The following CSMD1 variants were observed in gnomAD, a reference collection of about 807,000 sequenced individuals.
CSMD1 encodes the protein CUB and sushi domain-containing protein 1.
Under a neutral mutation model 417.5 loss-of-function variants are expected in CSMD1, and 213 were observed. The ratio of observed to expected loss-of-function variants is 0.51; its 90% CI spans 0.46 to 0.57. The LOEUF (loss-of-function observed/expected upper bound fraction) is 0.57, where lower values mean the gene tolerates loss of function less well. Ranked by LOEUF, CSMD1 falls within the 20% of genes least tolerant of loss-of-function variation. CSMD1 has a pLI of 0.00. For synonymous variants in CSMD1, 2,862 were observed against 1,736.8 expected, an observed-to-expected ratio of 1.65 and a Z score of -16.11; for missense variants, 6,923 against 4,529.7, an observed-to-expected ratio of 1.53 and a Z score of -15.17.
chr8:3,476,682 C>T (rs546422998), intron 11 of CSMD1, among the ~76,000 whole-genome samples: 29 of 151,952 alleles, frequency 1.9e-4, no homozygotes, highest in African/African-American at 7.0e-4. Context: ...TTTTTTGAGG[C>T]CAAGGCGGGC....
chr8:3,313,834 G>A (rs541156183), intron 23 of CSMD1, among the ~76,000 whole-genome samples: 20 of 152,186 alleles, frequency 1.3e-4, no homozygotes, highest in South Asian at 6.2e-4. Context: ...TGTTTATAGC[G>A]GCACTATTCA....
chr8:3,346,491 T>C (rs909723907), intron 22 of CSMD1, among the ~76,000 whole-genome samples: 1 of 152,246 alleles, frequency 6.6e-6, no homozygotes, highest in Non-Finnish European at 1.5e-5. Flanking sequence ...CACTTCTTCA[T>C]GACAGTCCCT....
At chr8:3,740,892 C>A (rs950265463) in intron 6 of CSMD1, among the ~76,000 whole-genome samples, 1 of 151,916 alleles carries the variant, frequency 6.6e-6, no homozygotes, top group East Asian at 1.9e-4. Flanking sequence ...AGCTTCTGTG[C>A]CCAGGGGTGG....
chr8:3,901,431 T>C lies in CSMD1; in HGVS notation c.818+96472A>G, dbSNP rs1459789240. Among the ~76,000 whole-genome samples the C allele has an allele frequency of 2.6e-5, 4 of 152,244 alleles. No homozygotes were observed. In the East Asian group the frequency reaches 7.7e-4, roughly 29 times the overall value. ...CCCTGAAATCCGTGCTGATGCATTT[T>C]TTGGTCTTACTCTAATGACTTCAAA... is the stretch of plus-strand genomic sequence containing the variant. On this transcript the variant is annotated intron_variant, in intron 5 of 69. Transcript: ENST00000635120.
chr8:4,314,468 G>T (rs987105838), intron 3 of CSMD1, among the ~76,000 whole-genome samples: 4 of 152,116 alleles, frequency 2.6e-5, no homozygotes, highest in African/African-American at 9.7e-5. Flanking sequence ...AATTTCAATT[G>T]CATCCGTTCC....
intron 49 of CSMD1, among the ~76,000 whole-genome samples, chr8:3,056,401 G>A (rs1449073946): frequency 2.6e-5 from 4 of 151,968 alleles, no homozygotes; most frequent in African/African-American, 7.3e-5. Context: ...ACAAGGTCTC[G>A]CTGTCACTCA....
intron 25 of CSMD1, among the ~76,000 whole-genome samples, chr8:3,286,924 TTA>T (rs1303343450): frequency 1.3e-4 from 19 of 151,848 alleles, no homozygotes; most frequent in African/African-American, 4.6e-4. Context: ...ATGGTATTGC[TTA>T]GGTTTTCTTC....
chr8:4,532,460 C>A (rs906359386), intron 2 of CSMD1, among the ~76,000 whole-genome samples: 3 of 147,240 alleles, frequency 2.0e-5, no homozygotes, highest in Admixed American at 6.8e-5. Context: ...GAAGAGAAAT[C>A]CTGCACCCCC....
intron 7 of CSMD1, among the ~76,000 whole-genome samples, chr8:3,677,740 C>T (rs1799450969): frequency 6.6e-6 from 1 of 152,106 alleles, no homozygotes; most frequent in African/African-American, 2.4e-5. Flanking sequence ...GAAAAAAGCC[C>T]TAAACTTTGT....
intron 3 of CSMD1, among the ~76,000 whole-genome samples, chr8:4,153,623 C>G (rs899596941): frequency 6.6e-6 from 1 of 152,220 alleles, no homozygotes; most frequent in Non-Finnish European, 1.5e-5. Context: ...TGTTTCCTCT[C>G]TTCACCTTGC....
intron 7 of CSMD1, among the ~76,000 whole-genome samples, chr8:3,688,212 C>T (rs1439924121): frequency 3.3e-5 from 5 of 152,250 alleles, no homozygotes; most frequent in Admixed American, 6.5e-5. Flanking sequence ...TTGTTGCATG[C>T]GTAAGTGGGC....
At chr8:3,567,430 A>C (rs1283012539) in intron 10 of CSMD1, among the ~76,000 whole-genome samples, 4 of 151,892 alleles carry the variant, frequency 2.6e-5, no homozygotes, top group Non-Finnish European at 5.9e-5. Flanking sequence ...AAGTTTTAAA[A>C]ATAAAATAAA....
Position 3,505,443 on chromosome 8 carries a change from G to A in CSMD1, c.1345-11717C>T, listed in dbSNP as rs145537925. Among the ~76,000 whole-genome samples the A allele has an allele frequency of 2.0e-5, 3 of 152,234 alleles. No homozygotes were observed. In the East Asian group the frequency reaches 5.8e-4, roughly 29 times the overall value. The stretch of plus-strand genomic sequence containing the variant: ...CAGAATCAATAATTAGAAAAATAAT[G>A]GAAGATACACTTTCACGACTGATTA... On this transcript the variant is annotated intron_variant, in intron 10 of 69. Coordinates refer to ENST00000635120, the MANE Select transcript of CSMD1 (RefSeq NM_033225.6).
chr8:3,936,898 C>T (rs988833728), intron 5 of CSMD1, among the ~76,000 whole-genome samples: 1 of 152,154 alleles, frequency 6.6e-6, no homozygotes, highest in African/African-American at 2.4e-5. Context: ...AAGAATTCCC[C>T]ATTCCAATGA....
At chr8:3,511,807 C>G (rs975923911) in intron 10 of CSMD1, among the ~76,000 whole-genome samples, 3 of 142,632 alleles carry the variant, frequency 2.1e-5, no homozygotes, top group African/African-American at 7.8e-5. Flanking sequence ...CATAACATAA[C>G]ATAACATAAC....
At chr8:3,261,580 C>A (rs542543723) in intron 26 of CSMD1, among the ~76,000 whole-genome samples, 39 of 152,234 alleles carry the variant, frequency 2.6e-4, no homozygotes, top group African/African-American at 8.4e-4. Flanking sequence ...ATAGGAGTCC[C>A]AATCTGGAAA....
At chr8:4,511,179 C>T (rs935048682) in intron 2 of CSMD1, among the ~76,000 whole-genome samples, 3 of 152,050 alleles carry the variant, frequency 2.0e-5, no homozygotes, top group African/African-American at 4.8e-5. Context: ...CATAGCAAGC[C>T]TGCAATAGTC....
intron 2 of CSMD1, among the ~76,000 whole-genome samples, chr8:4,503,154 C>T (rs999034112): frequency 3.3e-5 from 5 of 152,098 alleles, no homozygotes; most frequent in African/African-American, 1.2e-4. Context: ...GTGAAGTGTG[C>T]TTTTAATATA....
intron 3 of CSMD1, among the ~76,000 whole-genome samples, chr8:4,125,102 G>A (rs113552268): frequency 1.0e-4 from 13 of 130,130 alleles, no homozygotes; most frequent in African/African-American, 3.5e-4. Flanking sequence ...AAGCCGGTGA[G>A]ACCAGGAACA....
Sources: gnomAD v4.1 joint callset for allele counts (sites outside exome capture counted in the v4.1 genomes callset) on GRCh38, gnomAD v4.1.1 for gene constraint, MANE v1.5 for transcripts, NCBI Gene and HGNC (gene_info 2026-07-23, HGNC 2026-07-21) for gene names.